The following DNAH12 variants were observed in gnomAD, a reference collection of about 807,000 sequenced individuals.
The protein encoded by DNAH12 is dynein axonemal heavy chain 12.
A neutral mutation model predicts 371.5 loss-of-function variants in DNAH12; 285 were observed. The observed-to-expected ratio is 0.77, with a 90% confidence interval of 0.70 to 0.85. The LOEUF is 0.85. Ranked by LOEUF, DNAH12 falls within the 40% of genes least tolerant of loss-of-function variation. The probability of loss-of-function intolerance (pLI) is 0.00; values close to 1 mark genes in which losing one functional copy is unlikely to be tolerated. For synonymous variants in DNAH12, 1,200 were observed against 1,213.0 expected (o/e 0.99, Z 0.22); for missense variants, 3,611 against 3,689.4 (o/e 0.98, Z 0.55).
At chr3:57,400,323 G>T (rs1244405414) in intron 43 of DNAH12, among the ~76,000 whole-genome samples, 1 of 152,050 alleles carries the variant, frequency 6.6e-6, no homozygotes, top group East Asian at 1.9e-4. Flanking sequence ...TCTGTGTTGG[G>T]GGTTGGTGTT....
intron 11 of DNAH12, chr3:57,498,255 T>A: frequency 2.2e-6 from 1 of 449,008 alleles, no homozygotes; most frequent in Non-Finnish European, 3.9e-6. Flanking sequence ...GTGGAAGAAC[T>A]GGAAATCTCA....
chr3:57,452,853 T>A lies in DNAH12; in HGVS notation c.3776A>T (p.Tyr1259Phe). The A allele has an allele frequency of 6.5e-7, 1 of 1,547,352 alleles. No homozygotes were observed. The highest frequency in any genetic ancestry group is 8.7e-7 in the Non-Finnish European group (1 of 1,145,944). Residue 1259 changes from tyrosine (Y) to phenylalanine (F), a missense_variant, in exon 25 of 74, where the codon TAC (tyrosine) becomes TTC (phenylalanine). By Grantham distance (22) the Tyr-to-Phe change is conservative (BLOSUM62 3). Around this residue, in one of 3 missense-constraint regions of DNAH12, gnomAD observed 2,266 missense variants for 2,236.9 expected, o/e 1.01. Coordinates refer to ENST00000495027, the MANE Select transcript of DNAH12 (RefSeq NM_001366028.2). Reference protein sequence around the residue: ...LVITPLTDRCYRTLIGAFYLN... With the variant: ...LVITPLTDRCFRTLIGAFYLN... ...AATTTAAATGCATACCAATGTTCTG[T>A]AACACCTGTCAGTTAGAGGCGTAAT...
At chr3:57,536,840 T>C (rs974559180) in intron 2 of DNAH12, among the ~76,000 whole-genome samples, 7 of 114,558 alleles carry the variant, frequency 6.1e-5, no homozygotes, top group African/African-American at 1.9e-4. Flanking sequence ...TTTCTCCTAC[T>C]GGCTATAAAT....
Position 57,444,894 on chromosome 3 carries a change from C to T in DNAH12, c.4426-78G>A, listed in dbSNP as rs72869830. ...CCACTTCTCCCTCCCCTCCCAGCCC[C>T]GGCCTGCCCCACCCCACCCCCCTGG... On this transcript the variant is annotated intron_variant, in intron 28 of 73. Coordinates refer to ENST00000495027, the MANE Select transcript of DNAH12 (RefSeq NM_001366028.2). 1.6e-3 allele frequency: 2,376 copies of T among 1,468,504 alleles called. 27 individuals carry two copies. In the African/African-American group the frequency reaches 0.027, roughly 17 times the overall value. The allele number at this position is 1,468,504 out of a possible 1,614,324, so 91.0% of individuals were successfully genotyped here.
At chr3:57,449,720 C>A (rs950811097) in intron 25 of DNAH12, among the ~76,000 whole-genome samples, 1 of 152,310 alleles carries the variant, frequency 6.6e-6, no homozygotes, top group South Asian at 2.1e-4. Context: ...TTCCCGCTCG[C>A]GCCTCTCCCT....
intron 10 of DNAH12, among the ~76,000 whole-genome samples, chr3:57,501,901 GGTTT>G (rs2067560941): frequency 7.4e-6 from 1 of 135,172 alleles, no homozygotes; most frequent in Non-Finnish European, 1.6e-5. Context: ...AAATGTATTG[GGTTT>G]GATTCTTTTT....
At chr3:57,362,866 A>G (rs2062967826) in intron 58 of DNAH12, among the ~76,000 whole-genome samples, 1 of 152,144 alleles carries the variant, frequency 6.6e-6, no homozygotes, top group Non-Finnish European at 1.5e-5. Context: ...GAAGCTCTTT[A>G]GTTTAATTAG....
At chr3:57,533,976 A>G (rs1055079896) in intron 2 of DNAH12, among the ~76,000 whole-genome samples, 2 of 152,146 alleles carry the variant, frequency 1.3e-5, no homozygotes, top group Non-Finnish European at 2.9e-5. Flanking sequence ...TTTCAAGTTT[A>G]TTTAGGGCCC....
Position 57,445,141 on chromosome 3 carries a change from GA to G in DNAH12, c.4425+32del, listed in dbSNP as rs1304074414. 10 of 1,489,032 alleles carry G rather than the reference GA, an allele frequency of 6.7e-6. No homozygotes were observed. The Admixed American group carries it at 9.6e-5, about 14-fold the overall frequency. The allele number at this position is 1,489,032 out of a possible 1,614,324, so 92.2% of individuals were successfully genotyped here. ...CACTAAAGAAAATTATCTTTCTACT[GA>G]AACTTTCCCAATGTGTATATTTAAT... On this transcript the variant is annotated intron_variant, in intron 28 of 73. Transcript: ENST00000495027.
chr3:57,483,066 TATA>T (rs1484479619), intron 13 of DNAH12, among the ~76,000 whole-genome samples: 2 of 128,500 alleles, frequency 1.6e-5, no homozygotes, highest in Non-Finnish European at 1.7e-5. Context: ...AAACTTAAAG[TATA>T]ATAATAAAAA....
intron 62 of DNAH12, among the ~76,000 whole-genome samples, chr3:57,333,328 A>AATTTTTTTTTTTTTTTTTTTT: frequency 1.0e-5 from 1 of 97,768 alleles, no homozygotes; most frequent in African/African-American, 5.5e-5. Flanking sequence ...TTTTAAGGCA[A>AATTTTTTTTTTTTTTTTTTTT]CTTTTTTTTT....
At chr3:57,388,292 CTCTG>C (rs1211711017) in intron 45 of DNAH12, among the ~76,000 whole-genome samples, 1 of 152,206 alleles carries the variant, frequency 6.6e-6, no homozygotes, top group Non-Finnish European at 1.5e-5. Flanking sequence ...TCCCCCATTA[CTCTG>C]TCTTTTATAC....
At chr3:57,297,603 A>G (rs1341782574) in intron 70 of DNAH12, among the ~76,000 whole-genome samples, 1 of 151,932 alleles carries the variant, frequency 6.6e-6, no homozygotes, top group Non-Finnish European at 1.5e-5. Flanking sequence ...TGATCTGCCT[A>G]CCTTGGCCTC....
chr3:57,412,703 T>C (rs1439993496), intron 39 of DNAH12, among the ~76,000 whole-genome samples: 1 of 152,170 alleles, frequency 6.6e-6, no homozygotes, highest in Non-Finnish European at 1.5e-5. Flanking sequence ...TCTTACCGTA[T>C]GTCATCAGGG....
chr3:57,425,408 AT>A (rs371415558), intron 34 of DNAH12, among the ~76,000 whole-genome samples: 117 of 145,760 alleles, frequency 8.0e-4, no homozygotes, highest in South Asian at 2.0e-3. Flanking sequence ...CCACCAGGCT[AT>A]TTTTTTTTTT....
Position 57,334,159 on chromosome 3 carries a change from C to T in DNAH12, c.9978+306G>A, listed in dbSNP as rs372300009. Among the ~76,000 whole-genome samples, 56 of 152,174 alleles carry T rather than the reference C, an allele frequency of 3.7e-4. 1 individual carries two copies. In the East Asian group the frequency reaches 8.3e-3, roughly 23 times the overall value. On this transcript the variant is annotated intron_variant, in intron 62 of 73. Coordinates refer to ENST00000495027, the MANE Select transcript of DNAH12 (RefSeq NM_001366028.2). ...CCCAAACTGATGCAAGGAGATACCACGGCTTAAAAAATAATTAACAAAGTA... is the reference window on the plus strand; with the variant it reads ...CCCAAACTGATGCAAGGAGATACCATGGCTTAAAAAATAATTAACAAAGTA...
At chr3:57,448,418 G>A (rs2065607312) in intron 25 of DNAH12, among the ~76,000 whole-genome samples, 1 of 152,060 alleles carries the variant, frequency 6.6e-6, no homozygotes. Context: ...CGCCCTGAGT[G>A]TTAAAGCTCT....
chr3:57,364,305 A>G (rs2063000542), intron 57 of DNAH12, among the ~76,000 whole-genome samples: 1 of 152,188 alleles, frequency 6.6e-6, no homozygotes, highest in Non-Finnish European at 1.5e-5. Context: ...ACATGGTTCC[A>G]TATTGGACAC....
intron 34 of DNAH12, among the ~76,000 whole-genome samples, chr3:57,427,793 T>A (rs1164513469): frequency 6.6e-6 from 1 of 152,146 alleles, no homozygotes; most frequent in Non-Finnish European, 1.5e-5. Flanking sequence ...GCTACCAGAA[T>A]CTGGACAAGG....
Sources: allele counts gnomAD v4.1 joint callset (sites outside exome capture counted in the v4.1 genomes callset), GRCh38; gene constraint gnomAD v4.1.1; regional missense constraint gnomAD v4.1.1; transcripts MANE v1.5; gene names NCBI Gene and HGNC (gene_info 2026-07-23, HGNC 2026-07-21).